The following RNASE10 variants were observed in gnomAD, a reference collection of about 807,000 sequenced individuals.
RNASE10 encodes inactive ribonuclease-like protein 10.
Under a neutral mutation model 1.1 loss-of-function variants are expected in RNASE10, and 2 were observed. The observed-to-expected ratio is 1.82, with a 90% CI of 0.74 to 5.73. The LOEUF (loss-of-function observed/expected upper bound fraction) is 5.73, where lower values mean the gene tolerates loss of function less well. Among genes scored for constraint, RNASE10 ranks in the 30% most tolerant of loss-of-function variants. RNASE10 has a pLI of 0.05. For synonymous variants in RNASE10, 97 were observed against 96.2 expected (o/e 1.01, Z -0.05); for missense variants, 276 against 263.4 (o/e 1.05, Z -0.33).
chr14:20,510,239 A>C (rs1213083666), intron 1 of RNASE10: 3 of 215,094 alleles, frequency 1.4e-5, no homozygotes, highest in African/African-American at 7.0e-5. Context: ...GAGAAGAAAC[A>C]TGAGGAAACT....
In RNASE10 at chr14:20,507,352, C is replaced by T. The variant is rs1456149706; in HGVS notation, c.79+1333C>T. On this transcript the variant is annotated intron_variant, in intron 1 of 1. Coordinates refer to ENST00000430083, the Ensembl canonical transcript of RNASE10. The stretch of plus-strand genomic sequence containing the variant: ...CTCTCTGAAACATGTGCTGTGTCCA[C>T]TCAGGGTTAAATGGATTAAGGGCGG... Among the ~76,000 whole-genome samples the T allele has an allele frequency of 6.0e-5, 8 of 133,116 alleles. No individual in the cohort carries two copies. In the South Asian group the frequency reaches 1.3e-3, roughly 22 times the overall value. The allele number at this position is 133,116 out of a possible 152,430, so 87.3% of individuals were successfully genotyped here.
intron 1 of RNASE10, among the ~76,000 whole-genome samples, chr14:20,507,072 G>C (rs1882759415): frequency 6.6e-6 from 1 of 150,694 alleles, no homozygotes; most frequent in African/African-American, 2.5e-5. Flanking sequence ...ACTGGGAAGT[G>C]AGGAGCCCCT....
At chr14:20,505,260 T>TTCTCCC (rs1882662600), upstream of RNASE10, among the ~76,000 whole-genome samples, 24 of 75,638 alleles carry the variant, frequency 3.2e-4, 5 homozygotes, top group South Asian at 5.2e-4. Context: ...AAAGTGAGTT[T>TTCTCCC]GCTCCCTCTC....
intron 1 of RNASE10, among the ~76,000 whole-genome samples, chr14:20,506,976 C>T (rs1193868823): frequency 6.9e-6 from 1 of 145,296 alleles, no homozygotes; most frequent in East Asian, 2.0e-4. Flanking sequence ...GCCGCCCCGT[C>T]CGGGAGGGAG....
At chr14:20,511,376 C>T (rs1160363600), downstream of RNASE10, among the ~76,000 whole-genome samples, 1 of 152,164 alleles carries the variant, frequency 6.6e-6, no homozygotes, top group Middle Eastern at 3.2e-3. Flanking sequence ...TGCTGTAGTC[C>T]GTACTGTAGT....
At chr14:20,511,598 T>C (rs1216447569), downstream of RNASE10, among the ~76,000 whole-genome samples, 1 of 152,226 alleles carries the variant, frequency 6.6e-6, no homozygotes, top group Non-Finnish European at 1.5e-5. Context: ...TGGAGGACCA[T>C]GTGGAACAGG....
At chr14:20,506,313 G>A (rs1212752086) in intron 1 of RNASE10, among the ~76,000 whole-genome samples, 2 of 15,690 alleles carry the variant, frequency 1.3e-4, no homozygotes, top group African/African-American at 5.3e-4. Context: ...GAGGGAGGTG[G>A]GGGGGGTCAG....
intron 1 of RNASE10, among the ~76,000 whole-genome samples, chr14:20,510,196 AC>A (rs1233354879): frequency 6.6e-6 from 1 of 152,150 alleles, no homozygotes; most frequent in African/African-American, 2.4e-5. Flanking sequence ...TTACCTCAGA[AC>A]TGCTTCCCTT....
chr14:20,507,921 C>A (rs750681190), intron 1 of RNASE10, among the ~76,000 whole-genome samples: 28 of 151,684 alleles, frequency 1.8e-4, no homozygotes, highest in Admixed American at 9.2e-4. Context: ...CTAATTTTTT[C>A]ATATTTTTTG....
chr14:20,507,610 T>TA (rs1331706759), intron 1 of RNASE10, among the ~76,000 whole-genome samples: 5 of 115,472 alleles, frequency 4.3e-5, no homozygotes, highest in African/African-American at 1.2e-4. Context: ...GAATGATCAA[T>TA]TAAAAAAATA....
chr14:20,506,589 G>A (rs1458732217), intron 1 of RNASE10, among the ~76,000 whole-genome samples: 1 of 108,470 alleles, frequency 9.2e-6, no homozygotes, highest in South Asian at 3.4e-4. Context: ...CCCTCTGCCC[G>A]GCCAGCCGCC....
downstream of RNASE10, chr14:20,511,314 T>C (rs1882895977): frequency 2.2e-6 from 1 of 465,046 alleles, no homozygotes; most frequent in African/African-American, 2.0e-5. Context: ...CTAGTTTCTC[T>C]AAGCTCTCTG....
chr14:20,507,940 G>C (rs1243736212), intron 1 of RNASE10, among the ~76,000 whole-genome samples: 1 of 151,836 alleles, frequency 6.6e-6, no homozygotes, highest in Admixed American at 6.6e-5. Context: ...TGTAGAGATG[G>C]GGTTTCACCA....
At chr14:20,511,121 G>C (rs1294707122) in exon 2 of RNASE10, 1 of 1,481,570 alleles carries the variant, frequency 6.7e-7, no homozygotes, top group African/African-American at 1.4e-5. Flanking sequence ...ACTGGACAAT[G>C]AAGCAACTCA....
At chr14:20,507,723 C>A in intron 1 of RNASE10, among the ~76,000 whole-genome samples, 1 of 122,378 alleles carries the variant, frequency 8.2e-6, no homozygotes, top group Admixed American at 8.4e-5. Flanking sequence ...TTTTAAACTT[C>A]CCTTATTTAT....
intron 1 of RNASE10, among the ~76,000 whole-genome samples, chr14:20,506,825 C>T (rs1882744460): frequency 3.2e-5 from 4 of 125,356 alleles, no homozygotes; most frequent in Non-Finnish European, 6.9e-5. Flanking sequence ...GGGGATCAGC[C>T]CCCCGCCTGG....
At chr14:20,504,648 A>T (rs989968483), upstream of RNASE10, among the ~76,000 whole-genome samples, 3 of 139,782 alleles carry the variant, frequency 2.1e-5, no homozygotes. Flanking sequence ...AGATCGCGCC[A>T]CCGCACTCCA....
chr14:20,510,579 G>C, exon 2 of RNASE10: 1 of 1,614,206 alleles, frequency 6.2e-7, no homozygotes. Flanking sequence ...TCTTGGAGGA[G>C]AGTGATCAAC....
At chr14:20,510,293 A>C in intron 1 of RNASE10, 174 bp from the exon 2 acceptor site, 1 of 469,246 alleles carries the variant, frequency 2.1e-6, no homozygotes, top group Non-Finnish European at 2.8e-6. Flanking sequence ...GTAGGGAGGA[A>C]CAAGAGAAAT....
Sources: allele counts gnomAD v4.1 joint callset (sites outside exome capture counted in the v4.1 genomes callset), GRCh38; gene constraint gnomAD v4.1.1; transcripts MANE v1.5; gene names NCBI Gene and HGNC (gene_info 2026-07-23, HGNC 2026-07-21).